Variants in KIAA1217 observed in about 807,000 individuals in gnomAD.
The protein encoded by KIAA1217 is sickle tail protein homolog.
In KIAA1217, 88 loss-of-function variants were observed where a neutral mutation model predicts 163.9. The observed-to-expected ratio is 0.54, with a 90% confidence interval of 0.45 to 0.64. The LOEUF is 0.64. KIAA1217 is among the 30% of genes least tolerant of loss of function. The pLI is 0.00. For missense variants in KIAA1217, 2,372 were observed against 2,475.0 expected, an observed-to-expected ratio of 0.96 and a Z score of 0.88; for synonymous variants, 903 against 923.1, an observed-to-expected ratio of 0.98 and a Z score of 0.39.
chr10:23,698,682 AC>A (rs1276314667), intron 1 of KIAA1217, among the ~76,000 whole-genome samples: 1 of 152,174 alleles, frequency 6.6e-6, no homozygotes, highest in African/African-American at 2.4e-5. Flanking sequence ...CCAGGATCAC[AC>A]TCAAATGCAT....
intron 2 of KIAA1217, among the ~76,000 whole-genome samples, chr10:24,342,332 T>C (rs1454764774): frequency 1.3e-5 from 2 of 152,238 alleles, no homozygotes; most frequent in African/African-American, 2.4e-5. Flanking sequence ...GAAACAGGAC[T>C]GATTTTTTTA....
intron 2 of KIAA1217, among the ~76,000 whole-genome samples, chr10:24,202,022 C>G (rs1370767245): frequency 6.6e-6 from 1 of 152,174 alleles, no homozygotes; most frequent in Non-Finnish European, 1.5e-5. Flanking sequence ...CGGCCCAGCC[C>G]CGGGTGCTGG....
intron 2 of KIAA1217, among the ~76,000 whole-genome samples, chr10:24,224,929 C>T (rs57335791): frequency 0.19 from 27,890 of 150,016 alleles, 2,793 homozygotes; most frequent in South Asian, 0.34. Context: ...CAGGTTCACG[C>T]CATTCTCCTG....
At chr10:23,972,258 C>T (rs1413937079) in intron 1 of KIAA1217, among the ~76,000 whole-genome samples, 1 of 152,200 alleles carries the variant, frequency 6.6e-6, no homozygotes, top group African/African-American at 2.4e-5. Flanking sequence ...AATCCCATTA[C>T]TGGGTATATA....
At chr10:23,840,363 C>T (rs12264263) in intron 1 of KIAA1217, among the ~76,000 whole-genome samples, 2,626 of 152,116 alleles carry the variant, frequency 0.017, 68 homozygotes, top group African/African-American at 0.059. Context: ...ACCATGTTGG[C>T]CAGGCTGTCT....
At chr10:24,488,364 A>G (rs1274829407) in intron 6 of KIAA1217, among the ~76,000 whole-genome samples, 1 of 152,166 alleles carries the variant, frequency 6.6e-6, no homozygotes, top group Non-Finnish European at 1.5e-5. Context: ...CAAGAATTCC[A>G]AAGCAGGGGA....
At chr10:24,061,598 T>C (rs1564650986) in intron 2 of KIAA1217, among the ~76,000 whole-genome samples, 1 of 152,224 alleles carries the variant, frequency 6.6e-6, no homozygotes, top group Non-Finnish European at 1.5e-5. Flanking sequence ...CTCAGCTCTG[T>C]ATGTCCTGAA....
At chr10:24,510,934 C>A (rs2069034198) in intron 9 of KIAA1217, among the ~76,000 whole-genome samples, 1 of 152,078 alleles carries the variant, frequency 6.6e-6, no homozygotes, top group Non-Finnish European at 1.5e-5. Flanking sequence ...TCAGTTCATT[C>A]ATTCAACAGA....
chr10:24,125,345 T>TGTGTGA, intron 2 of KIAA1217, among the ~76,000 whole-genome samples: 1 of 151,832 alleles, frequency 6.6e-6, no homozygotes, highest in African/African-American at 2.4e-5. Flanking sequence ...TGTGTGTGTG[T>TGTGTGA]GTGTGTGTGT....
chr10:24,273,575 G>A (rs185192510), intron 2 of KIAA1217, among the ~76,000 whole-genome samples: 1 of 152,234 alleles, frequency 6.6e-6, no homozygotes, highest in African/African-American at 2.4e-5. Context: ...TTATTGGCTG[G>A]ACGCCATGGC....
At chr10:23,810,069 A>G (rs1371635644) in intron 1 of KIAA1217, among the ~76,000 whole-genome samples, 6 of 151,936 alleles carry the variant, frequency 3.9e-5, no homozygotes, top group Non-Finnish European at 1.5e-5. Flanking sequence ...AAGTGTTCTG[A>G]GCACTTTTAA....
chr10:23,774,970 T>C (rs1834947857), intron 1 of KIAA1217, among the ~76,000 whole-genome samples: 1 of 152,218 alleles, frequency 6.6e-6, no homozygotes, highest in African/African-American at 2.4e-5. Flanking sequence ...AAGGGTGAGC[T>C]TCATGGAGAA....
rs1197933836 is a variant in KIAA1217, at chr10:23,790,532, C to CAT, written c.-321+95302_-321+95303dup. ...ATACATATGTATATATACATATATA[C>CAT]ATATACATGTGCATATATACATATG... is the stretch of plus-strand genomic sequence containing the variant. On this transcript the variant is annotated intron_variant, in intron 1 of 18. Coordinates refer to the KIAA1217 transcript ENST00000376462. Among the ~76,000 whole-genome samples the CAT allele has an allele frequency of 2.5e-3, 199 of 80,320 alleles. 17 individuals are homozygous for CAT. The highest frequency in any genetic ancestry group is 0.023 in the East Asian group (83 of 3,556). The allele number at this position is 80,320 out of a possible 152,430, so 52.7% of individuals were successfully genotyped here.
At chr10:23,976,988 A>C (rs903336422) in intron 1 of KIAA1217, among the ~76,000 whole-genome samples, 23 of 152,324 alleles carry the variant, frequency 1.5e-4, no homozygotes, top group African/African-American at 5.5e-4. Context: ...TTCTCAGCAG[A>C]ATAACAGTGA....
At chr10:24,450,566 A>G (rs913789259) in intron 5 of KIAA1217, among the ~76,000 whole-genome samples, 1 of 152,246 alleles carries the variant, frequency 6.6e-6, no homozygotes, top group Non-Finnish European at 1.5e-5. Flanking sequence ...TTTCCTTTCA[A>G]AAGTACATGT....
chr10:24,500,184 A>T (rs867152171), intron 8 of KIAA1217, among the ~76,000 whole-genome samples: 2 of 143,158 alleles, frequency 1.4e-5, no homozygotes, highest in African/African-American at 2.6e-5. Context: ...ACTGAACAGA[A>T]GTGTGTGTGT....
intron 4 of KIAA1217, among the ~76,000 whole-genome samples, chr10:24,437,005 G>A (rs2060097956): frequency 6.6e-6 from 1 of 152,168 alleles, no homozygotes; most frequent in South Asian, 2.1e-4. Context: ...TGTTGCCACA[G>A]TAAATGCAAC....
intron 8 of KIAA1217, among the ~76,000 whole-genome samples, chr10:24,495,433 C>G (rs2066671826): frequency 6.6e-6 from 1 of 152,144 alleles, no homozygotes; most frequent in Non-Finnish European, 1.5e-5. Context: ...TTGATATGGC[C>G]ACACGGTGGT....
At chr10:23,964,294 G>GT (rs76227488) in intron 1 of KIAA1217, among the ~76,000 whole-genome samples, 5,237 of 140,306 alleles carry the variant, frequency 0.037, 99 homozygotes, top group Admixed American at 0.073. Flanking sequence ...TGATGGGGTT[G>GT]TTTTTTTTTT....
Sources: gnomAD v4.1 joint callset for allele counts (sites outside exome capture counted in the v4.1 genomes callset) on GRCh38, gnomAD v4.1.1 for gene constraint, MANE v1.5 for transcripts, NCBI Gene and HGNC (gene_info 2026-07-23, HGNC 2026-07-21) for gene names.